The following GMDS variants were observed in gnomAD, a reference collection of about 807,000 sequenced individuals.
GMDS encodes the protein GDP-mannose 4,6-dehydratase.
A neutral mutation model predicts 49.9 loss-of-function variants in GMDS; 20 were observed. That is an observed-to-expected ratio of 0.40 (90% CI 0.28 to 0.58). The LOEUF (loss-of-function observed/expected upper bound fraction) is 0.58. Ranked by LOEUF, GMDS falls within the 20% of genes least tolerant of loss-of-function variation. The pLI is 0.42. For missense variants in GMDS, 362 were observed against 481.4 expected (o/e 0.75, Z 2.32); for synonymous variants, 177 against 178.6 (o/e 0.99, Z 0.07).
At chr6:2,065,103 G>A (rs918940587) in intron 4 of GMDS, among the ~76,000 whole-genome samples, 20 of 152,068 alleles carry the variant, frequency 1.3e-4, no homozygotes, top group African/African-American at 2.2e-4. Context: ...CTCCTCAAGT[G>A]GATCCCTGAC....
At chr6:2,004,709 C>T (rs1221917773) in intron 4 of GMDS, among the ~76,000 whole-genome samples, 1 of 152,174 alleles carries the variant, frequency 6.6e-6, no homozygotes, top group Admixed American at 6.6e-5. Context: ...ATCCTGAACA[C>T]TTCATCCAAT....
chr6:2,046,169 T>C (rs1318463584), intron 4 of GMDS, among the ~76,000 whole-genome samples: 1 of 152,138 alleles, frequency 6.6e-6, no homozygotes, highest in Non-Finnish European at 1.5e-5. Context: ...GCCAAGATCA[T>C]GCCACTGCAC....
chr6:2,226,618 A>G lies in GMDS; in HGVS notation c.102+18703T>C, dbSNP rs184001616. ...TCTGGAAATGCAAACTTCAGCAAAC[A>G]TCACAGGAATTTTTTTAAGTGTTTG... On this transcript the variant is annotated intron_variant, in intron 1 of 10. Transcript: ENST00000380815. Among the ~76,000 whole-genome samples the G allele has an allele frequency of 4.1e-4, 63 of 152,378 alleles. No individual in the cohort carries two copies. In the East Asian group the frequency reaches 0.012, roughly 28 times the overall value.
intron 4 of GMDS, among the ~76,000 whole-genome samples, chr6:2,071,439 A>G (rs1239595397): frequency 1.3e-5 from 2 of 152,064 alleles, no homozygotes; most frequent in Non-Finnish European, 2.9e-5. Context: ...AGCCCATGTG[A>G]CGTACTAGAT....
chr6:1,825,569 T>C (rs544877302), intron 7 of GMDS, among the ~76,000 whole-genome samples: 3 of 152,348 alleles, frequency 2.0e-5, no homozygotes, highest in East Asian at 3.9e-4. Context: ...TAGTAGAGTC[T>C]ACTATACAAC....
rs34607380 is a variant in GMDS, at chr6:1,716,693, C to CA, written c.987+9722dup. ...TGGGCCACCCACCCACTCCACCTGA[C>CA]AGAGTCCCTGCCTATGTCTCTGTTC... On this transcript the variant is annotated intron_variant, in intron 9 of 10. Coordinates refer to ENST00000380815, the MANE Select transcript of GMDS (RefSeq NM_001500.4). Among the ~76,000 whole-genome samples, 659 of 152,302 alleles carry CA rather than the reference C, an allele frequency of 4.3e-3. 1 individual carries two copies. The highest frequency in any genetic ancestry group is 8.1e-3 in the Non-Finnish European group (551 of 68,024).
chr6:1,783,656 G>A (rs1769200172), intron 7 of GMDS, among the ~76,000 whole-genome samples: 1 of 152,182 alleles, frequency 6.6e-6, no homozygotes, highest in African/African-American at 2.4e-5. Context: ...GTTTTACATA[G>A]GTAGTGATAA....
intron 6 of GMDS, among the ~76,000 whole-genome samples, chr6:1,935,066 A>G (rs1197916203): frequency 1.3e-5 from 2 of 152,258 alleles, no homozygotes; most frequent in African/African-American, 4.8e-5. Flanking sequence ...TGGAACCCCT[A>G]TAATTAACTT....
chr6:1,967,035 C>G (rs565795483), intron 4 of GMDS, among the ~76,000 whole-genome samples: 1 of 152,138 alleles, frequency 6.6e-6, no homozygotes, highest in Non-Finnish European at 1.5e-5. Context: ...GCAGCCTCTC[C>G]GGCCACCCTG....
At chr6:2,113,661 T>C (rs554641677) in intron 4 of GMDS, among the ~76,000 whole-genome samples, 65 of 152,144 alleles carry the variant, frequency 4.3e-4, no homozygotes, top group African/African-American at 1.5e-3. Context: ...GCACTATCCA[T>C]CTACCCCCAG....
intron 4 of GMDS, among the ~76,000 whole-genome samples, chr6:2,041,143 T>G (rs1769650089): frequency 6.6e-6 from 1 of 152,188 alleles, no homozygotes; most frequent in Non-Finnish European, 1.5e-5. Context: ...CAAAAGGATA[T>G]TACATCCATG....
chr6:1,656,713 G>A (rs1763894259), intron 9 of GMDS, among the ~76,000 whole-genome samples: 1 of 151,594 alleles, frequency 6.6e-6, no homozygotes, highest in Non-Finnish European at 1.5e-5. Flanking sequence ...GCAGTGAGCC[G>A]AGATCGCGCC....
chr6:1,756,476 TGG>T (rs1767950159), intron 7 of GMDS, among the ~76,000 whole-genome samples: 1 of 152,234 alleles, frequency 6.6e-6, no homozygotes, highest in Non-Finnish European at 1.5e-5. Context: ...TTCACCATGT[TGG>T]TCAGGCTGGT....
intron 4 of GMDS, among the ~76,000 whole-genome samples, chr6:2,047,731 C>T (rs1297759169): frequency 1.3e-5 from 2 of 152,136 alleles, no homozygotes; most frequent in African/African-American, 2.4e-5. Flanking sequence ...TCAGGTGATC[C>T]ACCAGCCTCA....
chr6:1,832,316 C>G (rs1364407759), intron 7 of GMDS, among the ~76,000 whole-genome samples: 2 of 151,866 alleles, frequency 1.3e-5, no homozygotes, highest in Non-Finnish European at 2.9e-5. Context: ...CTCGAACCCA[C>G]CAGGAGTTTG....
intron 8 of GMDS, among the ~76,000 whole-genome samples, chr6:1,737,258 T>C (rs1259434285): frequency 6.6e-6 from 1 of 152,218 alleles, no homozygotes; most frequent in African/African-American, 2.4e-5. Flanking sequence ...CAGCAGATGT[T>C]GGTTCTCACC....
intron 6 of GMDS, among the ~76,000 whole-genome samples, chr6:1,940,062 G>A (rs1038342569): frequency 1.1e-4 from 17 of 152,116 alleles, no homozygotes; most frequent in African/African-American, 4.1e-4. Flanking sequence ...GTCCTACTAG[G>A]GACAATTCTA....
At chr6:1,900,471 G>T (rs2113858042) in intron 7 of GMDS, among the ~76,000 whole-genome samples, 1 of 152,274 alleles carries the variant, frequency 6.6e-6, no homozygotes, top group African/African-American at 2.4e-5. Flanking sequence ...AAAATGTGTT[G>T]ATAAAGAGCC....
At chr6:2,241,884 T>C (rs542394804) in intron 1 of GMDS, among the ~76,000 whole-genome samples, 77 of 152,342 alleles carry the variant, frequency 5.1e-4, no homozygotes, top group African/African-American at 1.8e-3. Context: ...TCTTTATATC[T>C]GCAGCAGCAC....
Sources: gnomAD v4.1 joint callset for allele counts (sites outside exome capture counted in the v4.1 genomes callset) on GRCh38, gnomAD v4.1.1 for gene constraint, MANE v1.5 for transcripts, NCBI Gene and HGNC (gene_info 2026-07-23, HGNC 2026-07-21) for gene names.